NRP2: variants seen among roughly 807,000 people sequenced by gnomAD.
NRP2 encodes the protein neuropilin 2.
A neutral mutation model predicts 110.4 loss-of-function variants in NRP2; 52 were observed. That is an observed-to-expected ratio of 0.47 (90% CI 0.38 to 0.59). The LOEUF is 0.59. Among genes scored for constraint, NRP2 ranks in the 20% least tolerant of loss-of-function variants. The probability of loss-of-function intolerance (pLI) is 0.00; values close to 1 mark genes in which losing one functional copy is unlikely to be tolerated. For missense variants in NRP2, 1,049 were observed against 1,203.0 expected, an observed-to-expected ratio of 0.87 and a Z score of 1.89; for synonymous variants, 508 against 468.9, an observed-to-expected ratio of 1.08 and a Z score of -1.08.
At chr2:205,761,456 C>T (rs1250897049) in intron 12 of NRP2, 2 of 152,152 alleles carry the variant, frequency 1.3e-5, no homozygotes, top group African/African-American at 4.8e-5. Context: ...AATGGCCTGC[C>T]TGAAGTCCTT....
At chr2:205,781,584 C>T (rs978153706) in intron 15 of NRP2, among the ~76,000 whole-genome samples, 5 of 152,246 alleles carry the variant, frequency 3.3e-5, no homozygotes, top group African/African-American at 1.2e-4. Context: ...AAAAGAGCTA[C>T]ATCCTGAAGT....
At chr2:205,734,401 C>CG (rs1264001858) in intron 7 of NRP2, among the ~76,000 whole-genome samples, 3 of 135,254 alleles carry the variant, frequency 2.2e-5, no homozygotes, top group Admixed American at 7.4e-5. Context: ...TTCCCACCGC[C>CG]CCCCCCCACC....
Position 205,776,457 on chromosome 2 carries a change from C to T in NRP2, c.2425+9654C>T, listed in dbSNP as rs1209684767. On this transcript the variant is annotated intron_variant, in intron 15 of 16. Coordinates refer to ENST00000357785, the MANE Select transcript of NRP2 (RefSeq NM_003872.3). Reference sequence around the variant, plus strand: ...CCTACAAAACCTCCCACTACACCAACGGGGCCCCTCTGGCGGTGGAGCCCA... The same window carrying T: ...CCTACAAAACCTCCCACTACACCAATGGGGCCCCTCTGGCGGTGGAGCCCA... The T allele has an allele frequency of 3.7e-6, 6 of 1,612,684 alleles. No homozygotes were observed. Among genetic ancestry groups the T allele is most frequent in the East Asian group, 4.5e-5 (2 of 44,898 alleles).
chr2:205,755,920 C>A (rs187786152), intron 12 of NRP2, among the ~76,000 whole-genome samples: 50 of 152,262 alleles, frequency 3.3e-4, no homozygotes, highest in Admixed American at 2.5e-3. Context: ...GAGGAGCTAG[C>A]CGTGTTGAAG....
intron 2 of NRP2, chr2:205,698,009 C>CG: frequency 2.2e-6 from 1 of 456,384 alleles, no homozygotes. Context: ...GTGGCAGGGG[C>CG]TGGACTACAA....
At position 205,749,759 on chromosome 2, in the gene NRP2, T is replaced by C. The variant is rs145576808; in HGVS notation, c.1821T>C (p.Thr607=). 3.3e-4 allele frequency: 532 copies of C among 1,614,022 alleles called. 7 individuals carry two copies. The highest frequency in any genetic ancestry group is 4.4e-5 in the Non-Finnish European group (52 of 1,179,994). ...SKPTVETLGP[T]VKSEETTTPY... Reference sequence around the variant, plus strand: ...CCACGGTAGAGACGCTGGGACCCACTGTGAAGAGCGAAGAGACAACCACCC... The same window carrying C: ...CCACGGTAGAGACGCTGGGACCCACCGTGAAGAGCGAAGAGACAACCACCC... Residue 607 remains threonine, a synonymous_variant, in exon 11 of 17, where the codon ACT becomes ACC. Transcript: ENST00000357785.
At chr2:205,714,849 TG>T (rs1460736200) in intron 2 of NRP2, among the ~76,000 whole-genome samples, 2 of 152,156 alleles carry the variant, frequency 1.3e-5, no homozygotes, top group Non-Finnish European at 2.9e-5. Flanking sequence ...ACATAGCTCC[TG>T]GGGGCTGAAG....
intron 5 of NRP2, among the ~76,000 whole-genome samples, chr2:205,724,697 C>G (rs1287480702): frequency 1.7e-5 from 2 of 115,922 alleles, no homozygotes; most frequent in South Asian, 5.8e-4. Flanking sequence ...GAGTCTCTCT[C>G]TGTTGCCCAG....
rs1041195138 is a variant in NRP2, at chr2:205,744,346, A to G, written c.1641+794A>G. Among the ~76,000 whole-genome samples, 5 of 152,356 alleles carry G rather than the reference A, an allele frequency of 3.3e-5. No individual in the cohort carries two copies. In the East Asian group the frequency reaches 9.6e-4, roughly 29 times the overall value. On this transcript the variant is annotated intron_variant, in intron 9 of 16. Transcript: ENST00000357785. The stretch of plus-strand genomic sequence containing the variant: ...GCCAAGCTATAGAAACTAGAGGATG[A>G]CTTCCAAAAATAACGATGTTTTTCT...
intron 9 of NRP2, among the ~76,000 whole-genome samples, chr2:205,744,591 A>C (rs766600147): frequency 2.0e-5 from 3 of 152,172 alleles, no homozygotes; most frequent in Non-Finnish European, 4.4e-5. Context: ...CCCTCCCCAG[A>C]TCAGTCTCCT....
chr2:205,795,389 T>A lies in NRP2; in HGVS notation c.*331T>A, dbSNP rs202190937. Reference sequence around the variant, plus strand: ...TTATTATTATTATTATTATTATTATTATATTTTATTTCTTTGGTCTGTGAG... The same window carrying A: ...TTATTATTATTATTATTATTATTATAATATTTTATTTCTTTGGTCTGTGAG... On this transcript the variant is annotated 3_prime_UTR_variant, in exon 17 of 17. Transcript: ENST00000357785. The A allele has an allele frequency of 6.8e-6, 1 of 147,516 alleles. No individual in the cohort carries two copies. The highest frequency in any genetic ancestry group is 2.5e-5 in the African/African-American group (1 of 39,216). The allele number at this position is 147,516 out of a possible 1,614,324, so 9.1% of individuals were successfully genotyped here.
At chr2:205,720,262 C>CTTTTTTTTTTTT (rs202203741) in intron 3 of NRP2, among the ~76,000 whole-genome samples, 11 of 129,136 alleles carry the variant, frequency 8.5e-5, no homozygotes, top group South Asian at 5.5e-4. Flanking sequence ...TTTTTTCTTT[C>CTTTTTTTTTTTT]TTTTTTTTTT....
At chr2:205,766,879 G>C in intron 15 of NRP2, 76 bp downstream of exon 15, 1 of 1,342,180 alleles carries the variant, frequency 7.5e-7, no homozygotes, top group East Asian at 2.3e-5. Context: ...GAATTTGATG[G>C]GGGGAATCAA....
intron 5 of NRP2, among the ~76,000 whole-genome samples, chr2:205,724,652 A>C: frequency 7.3e-6 from 1 of 136,454 alleles, no homozygotes; most frequent in African/African-American, 2.8e-5. Flanking sequence ...CCCAAACGAT[A>C]ACTTTTTTTT....
At chr2:205,706,495 G>A (rs547108595) in intron 2 of NRP2, among the ~76,000 whole-genome samples, 6 of 152,080 alleles carry the variant, frequency 3.9e-5, no homozygotes, top group African/African-American at 9.6e-5. Context: ...AGGAGGTTTC[G>A]TCCCCACCCG....
intron 3 of NRP2, among the ~76,000 whole-genome samples, chr2:205,721,150 T>C (rs2057003352): frequency 6.6e-6 from 1 of 152,272 alleles, no homozygotes; most frequent in Admixed American, 6.5e-5. Context: ...AGAGACTCAA[T>C]GAGAGGCCCC....
intron 15 of NRP2, among the ~76,000 whole-genome samples, chr2:205,782,054 T>A (rs2105959167): frequency 7.2e-6 from 1 of 139,818 alleles, no homozygotes; most frequent in South Asian, 3.0e-4. Flanking sequence ...ATTTGGGAAA[T>A]CGCCAAGAGC....
chr2:205,731,444 G>A (rs1257947851), intron 7 of NRP2, among the ~76,000 whole-genome samples: 6 of 152,178 alleles, frequency 3.9e-5, no homozygotes, highest in African/African-American at 7.2e-5. Flanking sequence ...GAGGCACAAG[G>A]TCTTGGTCTA....
chr2:205,743,729 A>G (rs756504472), intron 9 of NRP2, 177 bp downstream of exon 9: 68 of 1,286,298 alleles, frequency 5.3e-5, no homozygotes, highest in Non-Finnish European at 6.5e-5. Flanking sequence ...TAAATACCTT[A>G]TTTCTGACTC....
Sources: gnomAD v4.1 joint callset for allele counts (sites outside exome capture counted in the v4.1 genomes callset) on GRCh38, gnomAD v4.1.1 for gene constraint, MANE v1.5 for transcripts, NCBI Gene and HGNC (gene_info 2026-07-23, HGNC 2026-07-21) for gene names.